Variants in NSG1 observed in about 807,000 individuals in gnomAD.
NSG1 encodes the protein neuronal vesicle trafficking-associated protein 1.
In NSG1, 9 loss-of-function variants were observed where a neutral mutation model predicts 19.3. The observed-to-expected ratio is 0.47, with a 90% confidence interval of 0.28 to 0.81. The LOEUF (loss-of-function observed/expected upper bound fraction) is 0.81. NSG1 is among the 40% of genes least tolerant of loss of function. The pLI, the probability that NSG1 is intolerant of heterozygous loss-of-function variation, is 0.11. For synonymous variants in NSG1, 104 were observed against 107.0 expected (o/e 0.97, Z 0.17); for missense variants, 236 against 242.4 (o/e 0.97, Z 0.18).
chr4:4,403,027 C>T (rs146678396), intron 3 of NSG1, among the ~76,000 whole-genome samples: 25 of 152,330 alleles, frequency 1.6e-4, no homozygotes, highest in East Asian at 3.9e-4. Context: ...TATTCTGGGT[C>T]GGCTCCAGGT....
At chr4:4,387,368 C>T (rs979357413) in intron 1 of NSG1, among the ~76,000 whole-genome samples, 195 bp downstream of exon 1, 3 of 152,140 alleles carry the variant, frequency 2.0e-5, no homozygotes, top group Non-Finnish European at 4.4e-5. Flanking sequence ...TCCCTGGCCG[C>T]GGTGCGCCCT....
chr4:4,393,976 C>T (rs1185533882), intron 3 of NSG1, among the ~76,000 whole-genome samples: 3 of 152,238 alleles, frequency 2.0e-5, no homozygotes, highest in South Asian at 4.1e-4. Flanking sequence ...GCTGCAATGG[C>T]ATCTAACAGT....
chr4:4,413,034 C>T (rs1194171034), intron 4 of NSG1, among the ~76,000 whole-genome samples: 2 of 152,060 alleles, frequency 1.3e-5, no homozygotes, highest in Non-Finnish European at 2.9e-5. Context: ...CCTTCAGGCT[C>T]CCGACATTCA....
At chr4:4,396,050 C>T (rs920229190) in intron 3 of NSG1, among the ~76,000 whole-genome samples, 1 of 152,198 alleles carries the variant, frequency 6.6e-6, no homozygotes, top group Non-Finnish European at 1.5e-5. Flanking sequence ...ACTCCCCCAG[C>T]GGCGGCCAGC....
intron 3 of NSG1, among the ~76,000 whole-genome samples, chr4:4,393,691 G>C (rs559044889): frequency 9.2e-5 from 14 of 152,246 alleles, no homozygotes; most frequent in African/African-American, 3.1e-4. Flanking sequence ...GGGTGGCATC[G>C]GCCCCTTTAC....
rs562779703 is a variant in NSG1, at chr4:4,414,290, G to T, written c.358-2945G>T. Among the ~76,000 whole-genome samples the T allele has an allele frequency of 5.9e-5, 9 of 151,884 alleles. No individual in the cohort carries two copies. In the East Asian group the frequency reaches 1.7e-3, roughly 29 times the overall value. ...TGAGACTGGCGGCCACAATGGAAGG[G>T]GCCTGGCACCTTTTGTTTAAAAGGC... is the stretch of plus-strand genomic sequence containing the variant. On this transcript the variant is annotated intron_variant, in intron 4 of 4. Transcript: ENST00000621129.
chr4:4,408,192 G>A (rs1476542644), intron 3 of NSG1, among the ~76,000 whole-genome samples: 1 of 152,146 alleles, frequency 6.6e-6, no homozygotes, highest in Non-Finnish European at 1.5e-5. Flanking sequence ...CTTCGGGACT[G>A]CAGCCTTAGG....
intron 4 of NSG1, among the ~76,000 whole-genome samples, chr4:4,414,500 G>A (rs1021884625): frequency 5.3e-5 from 8 of 152,170 alleles, no homozygotes; most frequent in Admixed American, 2.0e-4. Flanking sequence ...GCCCTTGGCC[G>A]AAGCTGGAGA....
At chr4:4,390,991 C>G (rs535304375) in intron 2 of NSG1, among the ~76,000 whole-genome samples, 1 of 152,278 alleles carries the variant, frequency 6.6e-6, no homozygotes, top group African/African-American at 2.4e-5. Flanking sequence ...TGTTTCCAGA[C>G]AAGCTGGTGG....
intron 4 of NSG1, among the ~76,000 whole-genome samples, chr4:4,410,866 T>TTG (rs903304529): frequency 9.9e-5 from 15 of 152,126 alleles, no homozygotes; most frequent in East Asian, 1.9e-4. Flanking sequence ...CATAAACTTT[T>TTG]TGTGTGTGTG....
chr4:4,396,616 C>T (rs62287944), intron 3 of NSG1, among the ~76,000 whole-genome samples: 3,108 of 152,276 alleles, frequency 0.02, 37 homozygotes, highest in Middle Eastern at 0.034. Flanking sequence ...TGCATCCTGT[C>T]GCAGAGGACT....
intron 3 of NSG1, among the ~76,000 whole-genome samples, chr4:4,397,728 C>T (rs1227040831): frequency 6.6e-6 from 1 of 152,180 alleles, no homozygotes; most frequent in Admixed American, 6.5e-5. Context: ...CCCAGGACCC[C>T]CAAGCCTCGA....
intron 4 of NSG1, chr4:4,416,211 G>A: frequency 5.7e-6 from 4 of 702,244 alleles, no homozygotes; most frequent in Non-Finnish European, 1.0e-5. Context: ...AGCTGGTACG[G>A]TGGGCCTGGC....
chr4:4,418,798 CAGA>C lies in NSG1; in HGVS notation c.*1364_*1366del, dbSNP rs1352522735. The C allele has an allele frequency of 6.6e-6, 1 of 152,476 alleles. No individual in the cohort carries two copies. The highest frequency in any genetic ancestry group is 2.4e-5 in the African/African-American group (1 of 41,426). The allele number at this position is 152,476 out of a possible 1,614,324, so 9.4% of individuals were successfully genotyped here. On this transcript the variant is annotated 3_prime_UTR_variant, in exon 5 of 5. Transcript: ENST00000621129. ...TTCTCATCAAGGGTGTCTGGAGACA[CAGA>C]CCGTGACCTTGGCGCAGCGGTGTGC... is the stretch of plus-strand genomic sequence containing the variant.
chr4:4,397,083 T>A (rs2108732576), intron 3 of NSG1, among the ~76,000 whole-genome samples: 2 of 151,934 alleles, frequency 1.3e-5, no homozygotes, highest in South Asian at 4.2e-4. Context: ...TTGTGTGGGT[T>A]ACCTAAAATA....
chr4:4,390,468 C>A (rs1312041759), intron 2 of NSG1, among the ~76,000 whole-genome samples: 9 of 152,214 alleles, frequency 5.9e-5, no homozygotes, highest in Non-Finnish European at 1.3e-4. Flanking sequence ...GCTGACCATC[C>A]CCAGTTGCTG....
chr4:4,393,302 GACC>G, intron 3 of NSG1, among the ~76,000 whole-genome samples: 1 of 152,292 alleles, frequency 6.6e-6, no homozygotes, highest in East Asian at 1.9e-4. Flanking sequence ...CTCTGTCCCC[GACC>G]TCTGGTGTTC....
intron 4 of NSG1, among the ~76,000 whole-genome samples, chr4:4,410,756 T>C (rs1724132511): frequency 6.6e-6 from 1 of 152,194 alleles, no homozygotes; most frequent in Non-Finnish European, 1.5e-5. Context: ...TGTGCACTCC[T>C]GTAGACGAGT....
chr4:4,395,173 G>C (rs1023236731), intron 3 of NSG1, among the ~76,000 whole-genome samples: 1 of 152,220 alleles, frequency 6.6e-6, no homozygotes, highest in Non-Finnish European at 1.5e-5. Context: ...CCCACTTGCT[G>C]TGGGGTGGAT....
Sources: allele counts gnomAD v4.1 joint callset (sites outside exome capture counted in the v4.1 genomes callset), GRCh38; gene constraint gnomAD v4.1.1; transcripts MANE v1.5; gene names NCBI Gene and HGNC (gene_info 2026-07-23, HGNC 2026-07-21).